Variants in DPYS observed in about 807,000 individuals in gnomAD.
DPYS encodes dihydropyrimidine amidohydrolase.
Under a neutral mutation model 50.3 loss-of-function variants are expected in DPYS, and 39 were observed. That is an observed-to-expected ratio of 0.78 (90% CI 0.60 to 1.01). The LOEUF (loss-of-function observed/expected upper bound fraction) is 1.01, where lower values mean the gene tolerates loss of function less well. DPYS is among the 50% of genes least tolerant of loss of function. The pLI is 0.00. For synonymous variants in DPYS, 245 were observed against 250.7 expected, an observed-to-expected ratio of 0.98 and a Z score of 0.22; for missense variants, 659 against 680.9, an observed-to-expected ratio of 0.97 and a Z score of 0.36.
intron 7 of DPYS, among the ~76,000 whole-genome samples, chr8:104,404,582 A>C (rs1811931548): frequency 6.6e-6 from 1 of 152,256 alleles, no homozygotes; most frequent in African/African-American, 2.4e-5. Context: ...TAAGGCAAAA[A>C]GGCTTCCAGG....
intron 7 of DPYS, 70 bp from the exon 8 acceptor site, chr8:104,393,061 A>T: frequency 6.9e-7 from 1 of 1,442,458 alleles, no homozygotes; most frequent in African/African-American, 1.4e-5. Flanking sequence ...AAAATATTAA[A>T]AGAAGAATGA....
rs150240877 is a variant in DPYS, at chr8:104,391,925, TA to T, written c.1443+858del. 1.1e-4 allele frequency among the ~76,000 whole-genome samples: 17 copies of T among 151,548 alleles called. No homozygotes were observed. In the South Asian group the frequency reaches 2.5e-3, roughly 22 times the overall value. On this transcript the variant is annotated intron_variant, in intron 8 of 9. Transcript: ENST00000351513. ...ACTGCTTTGGGCCATGCCTTTCATT[TA>T]AAAAAAAACCCATTTGAGTGTCACA...
chr8:104,418,507 A>C (rs1292842449), intron 7 of DPYS, among the ~76,000 whole-genome samples: 1 of 152,238 alleles, frequency 6.6e-6, no homozygotes, highest in African/African-American at 2.4e-5. Flanking sequence ...AACTCTATTT[A>C]AAATTGCCTC....
chr8:104,466,716 G>C lies in DPYS; in HGVS notation c.205C>G (p.His69Asp). 1 of 1,535,666 alleles carries C rather than the reference G, an allele frequency of 6.5e-7. No individual in the cohort carries two copies. Among genetic ancestry groups the C allele is most frequent in the South Asian group, 1.2e-5 (1 of 83,460 alleles). The change falls in exon 1 of 10, where the codon CAC (histidine) becomes GAC (aspartate). Residue 69 changes from histidine to aspartate, a missense_variant. His to Asp is a moderately conservative substitution (Grantham distance 81). Coordinates refer to ENST00000351513, the MANE Select transcript of DPYS (RefSeq NM_001385.3). The part of the protein sequence containing the change: ...VLPGGIDTHT[H>D]MQFPFMGSRS... ...GAGCCCATGAAGGGGAACTGCATGT[G>C]CGTGTGTGTGTCGATGCCTCCGGGC...
chr8:104,393,072 CT>C, intron 7 of DPYS, 81 bp from the exon 8 acceptor site: 1 of 1,375,636 alleles, frequency 7.3e-7, no homozygotes, highest in Non-Finnish European at 1.0e-6. Context: ...AGAAGAATGA[CT>C]TAGAAGAAAA....
At chr8:104,456,169 G>A (rs1485028988) in intron 1 of DPYS, among the ~76,000 whole-genome samples, 1 of 152,152 alleles carries the variant, frequency 6.6e-6, no homozygotes, top group Admixed American at 6.5e-5. Context: ...TATAGCCTAG[G>A]CGTGTAGTAG....
At chr8:104,406,692 T>C (rs1437924880) in intron 7 of DPYS, among the ~76,000 whole-genome samples, 1 of 152,206 alleles carries the variant, frequency 6.6e-6, no homozygotes, top group African/African-American at 2.4e-5. Context: ...GCCTGCAGAC[T>C]CCAGCATCAG....
chr8:104,459,040 A>G (rs993916306), intron 1 of DPYS, among the ~76,000 whole-genome samples: 10 of 152,242 alleles, frequency 6.6e-5, no homozygotes, highest in Admixed American at 6.5e-4. Context: ...CATGACTATC[A>G]CTATATAATA....
intron 7 of DPYS, chr8:104,411,708 T>A (rs1220475187): frequency 6.6e-6 from 1 of 152,186 alleles, no homozygotes; most frequent in African/African-American, 2.4e-5. Context: ...CCAGCACAAA[T>A]GCTCAGCAAT....
chr8:104,454,988 G>A (rs1208039062), intron 1 of DPYS, among the ~76,000 whole-genome samples: 1 of 152,134 alleles, frequency 6.6e-6, no homozygotes, highest in Non-Finnish European at 1.5e-5. Context: ...TCCACAGTAG[G>A]TACTATGGTT....
chr8:104,429,745 T>A, intron 4 of DPYS, 44 bp from the exon 5 acceptor site: 1 of 1,611,438 alleles, frequency 6.2e-7, no homozygotes, highest in Non-Finnish European at 8.5e-7. Flanking sequence ...ATTTTATTCT[T>A]AAGAGGACCA....
At chr8:104,451,104 C>A in intron 2 of DPYS, 142 bp downstream of exon 2, 1 of 1,021,140 alleles carries the variant, frequency 9.8e-7, no homozygotes, top group Non-Finnish European at 1.5e-6. Flanking sequence ...TCAAAAGATA[C>A]AAAAGAATAT....
intron 4 of DPYS, among the ~76,000 whole-genome samples, chr8:104,435,127 C>T (rs1813092301): frequency 6.6e-6 from 1 of 152,104 alleles, no homozygotes; most frequent in Non-Finnish European, 1.5e-5. Flanking sequence ...ATCCCATATG[C>T]CAACACTGTG....
At chr8:104,429,756 T>C in intron 4 of DPYS, 55 bp from the exon 5 acceptor site, 4 of 1,603,232 alleles carry the variant, frequency 2.5e-6, no homozygotes, top group South Asian at 1.1e-5. Context: ...AAGAGGACCA[T>C]ATGACAAACA....
intron 7 of DPYS, among the ~76,000 whole-genome samples, chr8:104,399,321 A>C (rs1383186539): frequency 4.0e-5 from 6 of 150,748 alleles, no homozygotes; most frequent in Non-Finnish European, 8.9e-5. Flanking sequence ...CAACAACAAA[A>C]AAAAACCAAG....
At chr8:104,432,772 T>C (rs73293221) in intron 4 of DPYS, among the ~76,000 whole-genome samples, 2,756 of 152,256 alleles carry the variant, frequency 0.018, 79 homozygotes, top group African/African-American at 0.063. Flanking sequence ...GATCATAGTG[T>C]CCCTCTAGTG....
intron 4 of DPYS, among the ~76,000 whole-genome samples, chr8:104,440,460 G>C (rs947174059): frequency 6.6e-6 from 1 of 152,198 alleles, no homozygotes; most frequent in African/African-American, 2.4e-5. Flanking sequence ...CACACTGTGA[G>C]AGTCAAGGCC....
At chr8:104,430,754 C>A (rs112292507) in intron 4 of DPYS, among the ~76,000 whole-genome samples, 10 of 152,130 alleles carry the variant, frequency 6.6e-5, no homozygotes, top group African/African-American at 2.4e-4. Flanking sequence ...ACCATGAAAG[C>A]AAGGCTTATT....
At chr8:104,431,168 G>A (rs969784664) in intron 4 of DPYS, among the ~76,000 whole-genome samples, 4 of 152,090 alleles carry the variant, frequency 2.6e-5, no homozygotes, top group African/African-American at 9.7e-5. Flanking sequence ...TTATCATTGA[G>A]GAAAGATCCT....
Sources: allele counts gnomAD v4.1 joint callset (sites outside exome capture counted in the v4.1 genomes callset), GRCh38; gene constraint gnomAD v4.1.1; transcripts MANE v1.5; gene names NCBI Gene and HGNC (gene_info 2026-07-23, HGNC 2026-07-21).